Variants in PTPRM observed in about 807,000 individuals in gnomAD.
The protein encoded by PTPRM is protein tyrosine phosphatase receptor type M.
PTPRM carries 47 observed loss-of-function variants against 186.7 expected under a neutral mutation model. That is an observed-to-expected ratio of 0.25 (90% CI 0.20 to 0.32). The LOEUF is 0.32. Among genes scored for constraint, PTPRM ranks in the 10% least tolerant of loss-of-function variants. The pLI is 1.00. For missense variants in PTPRM, 1,494 were observed against 1,865.0 expected, an observed-to-expected ratio of 0.80 and a Z score of 3.66; for synonymous variants, 668 against 674.9, an observed-to-expected ratio of 0.99 and a Z score of 0.16.
intron 1 of PTPRM, among the ~76,000 whole-genome samples, chr18:7,773,132 T>C (rs1004292103): frequency 3.3e-5 from 5 of 152,152 alleles, no homozygotes; most frequent in African/African-American, 1.2e-4. Flanking sequence ...TTAAGTAGTT[T>C]CATTTCTAGT....
intron 7 of PTPRM, among the ~76,000 whole-genome samples, chr18:8,065,940 GCCCTT>G (rs1377133672): frequency 6.6e-6 from 1 of 152,128 alleles, no homozygotes; most frequent in Non-Finnish European, 1.5e-5. Flanking sequence ...CTACAGTGAT[GCCCTT>G]CAGAGTGTTC....
chr18:8,278,199 A>G (rs1485062869), intron 19 of PTPRM, among the ~76,000 whole-genome samples: 1 of 152,224 alleles, frequency 6.6e-6, no homozygotes, highest in African/African-American at 2.4e-5. Context: ...AATAATATCT[A>G]TACAGCAGGC....
At chr18:8,308,775 G>A (rs377632428) in intron 20 of PTPRM, among the ~76,000 whole-genome samples, 1 of 152,004 alleles carries the variant, frequency 6.6e-6, no homozygotes, top group East Asian at 1.9e-4. Flanking sequence ...ATCCAGTATT[G>A]TACCTACTAA....
At chr18:7,923,938 G>T (rs147069843) in intron 4 of PTPRM, among the ~76,000 whole-genome samples, 786 of 152,338 alleles carry the variant, frequency 5.2e-3, no homozygotes, top group African/African-American at 0.017. Context: ...AAAGTGGGTT[G>T]ATTGCTGCGC....
chr18:7,929,688 A>G (rs1050034767), intron 5 of PTPRM, among the ~76,000 whole-genome samples: 6 of 152,208 alleles, frequency 3.9e-5, no homozygotes, highest in African/African-American at 1.4e-4. Context: ...TTATTAATCT[A>G]TATGTGTACA....
intron 14 of PTPRM, among the ~76,000 whole-genome samples, chr18:8,224,904 A>C (rs948377806): frequency 1.3e-5 from 2 of 152,280 alleles, no homozygotes; most frequent in African/African-American, 4.8e-5. Context: ...ATTTTTCATA[A>C]GTAGTGTTCT....
intron 1 of PTPRM, among the ~76,000 whole-genome samples, chr18:7,735,150 C>T: frequency 6.6e-6 from 1 of 152,182 alleles, no homozygotes; most frequent in East Asian, 1.9e-4. Flanking sequence ...GGCATGATGG[C>T]TCATGCCTGT....
chr18:7,937,107 C>T (rs151332083), intron 5 of PTPRM, among the ~76,000 whole-genome samples: 267 of 152,326 alleles, frequency 1.8e-3, no homozygotes, highest in Middle Eastern at 0.01. Context: ...CTGCATACCT[C>T]ATTCTTCCTA....
At chr18:8,384,457 C>CT (rs1299141662) in intron 29 of PTPRM, 104 bp from the exon 30 acceptor site, 1 of 1,337,574 alleles carries the variant, frequency 7.5e-7, no homozygotes, top group African/African-American at 1.5e-5. Flanking sequence ...GACCCTATCT[C>CT]TTAAAAAAAA....
chr18:7,843,755 T>C (rs750737899), intron 2 of PTPRM, among the ~76,000 whole-genome samples: 2 of 152,220 alleles, frequency 1.3e-5, no homozygotes, highest in African/African-American at 4.8e-5. Flanking sequence ...ATCATTGTTA[T>C]GCCTCTCAGT....
chr18:8,065,202 G>A (rs2034916711), intron 7 of PTPRM, among the ~76,000 whole-genome samples: 1 of 152,216 alleles, frequency 6.6e-6, no homozygotes, highest in Admixed American at 6.5e-5. Context: ...AAAGAAATGA[G>A]CTGTGAATTG....
intron 15 of PTPRM, 24 bp from the exon 16 acceptor site, chr18:8,247,821 G>C: frequency 6.5e-7 from 1 of 1,546,098 alleles, no homozygotes. Context: ...TGCTGCCCCT[G>C]ACCAGCCTCT....
intron 2 of PTPRM, among the ~76,000 whole-genome samples, chr18:7,797,633 T>G (rs541390335): frequency 3.0e-4 from 46 of 152,280 alleles, no homozygotes; most frequent in African/African-American, 1.1e-3. Flanking sequence ...AATACTCAAT[T>G]GAGCATAATC....
chr18:8,329,855 G>T (rs2095402083), intron 22 of PTPRM, among the ~76,000 whole-genome samples: 1 of 152,170 alleles, frequency 6.6e-6, no homozygotes, highest in African/African-American at 2.4e-5. Context: ...CAGGAGTGTA[G>T]TAGCATGATC....
At chr18:7,808,957 TAAC>T (rs1366174597) in intron 2 of PTPRM, among the ~76,000 whole-genome samples, 23 of 152,298 alleles carry the variant, frequency 1.5e-4, no homozygotes, top group African/African-American at 4.3e-4. Context: ...TTCCAGATTT[TAAC>T]AACAACAGTA....
At chr18:7,683,587 C>T (rs1157991673) in intron 1 of PTPRM, among the ~76,000 whole-genome samples, 12 of 152,054 alleles carry the variant, frequency 7.9e-5, no homozygotes. Flanking sequence ...GAATGACTTC[C>T]CAAAGTCACT....
intron 14 of PTPRM, among the ~76,000 whole-genome samples, chr18:8,195,912 AT>A (rs1319068941): frequency 6.6e-6 from 1 of 152,238 alleles, no homozygotes; most frequent in African/African-American, 2.4e-5. Context: ...AGACAAAAAA[AT>A]CAATCCTCAC....
intron 19 of PTPRM, among the ~76,000 whole-genome samples, chr18:8,260,997 T>C (rs1411700464): frequency 2.0e-5 from 3 of 151,836 alleles, no homozygotes; most frequent in African/African-American, 7.2e-5. Context: ...AAAGGCGCTT[T>C]GTGTTACTCA....
chr18:7,706,222 CAAGA>C (rs2040085617), intron 1 of PTPRM, among the ~76,000 whole-genome samples: 1 of 151,670 alleles, frequency 6.6e-6, no homozygotes, highest in Non-Finnish European at 1.5e-5. Flanking sequence ...TTAGAAGTGA[CAAGA>C]AAGAGGCAAT....
Sources: gnomAD v4.1 joint callset for allele counts (sites outside exome capture counted in the v4.1 genomes callset) on GRCh38, gnomAD v4.1.1 for gene constraint, MANE v1.5 for transcripts, NCBI Gene and HGNC (gene_info 2026-07-23, HGNC 2026-07-21) for gene names.